Variants in RHOBTB3 observed in about 807,000 individuals in gnomAD.
RHOBTB3 encodes rho-related BTB domain-containing protein 3.
Under a neutral mutation model 67.2 loss-of-function variants are expected in RHOBTB3, and 47 were observed. The observed-to-expected ratio is 0.70, with a 90% CI of 0.55 to 0.89. The LOEUF is 0.89. RHOBTB3 is among the 40% of genes least tolerant of loss of function. RHOBTB3 has a pLI of 0.00. For missense variants in RHOBTB3, 631 were observed against 750.0 expected (o/e 0.84, Z 1.85); for synonymous variants, 273 against 274.2 (o/e 1.00, Z 0.04).
intron 6 of RHOBTB3, 25 bp from the exon 7 acceptor site, chr5:95,763,483 C>A: frequency 1.5e-6 from 2 of 1,339,498 alleles, no homozygotes; most frequent in South Asian, 1.2e-5. Flanking sequence ...ACAGAAAAAT[C>A]CAGCATGTAC....
chr5:95,770,523 T>G, intron 8 of RHOBTB3: 1 of 355,574 alleles, frequency 2.8e-6, no homozygotes, highest in Non-Finnish European at 5.7e-6. Flanking sequence ...TGAGCTATGG[T>G]TGGGGGTTTT....
intron 8 of RHOBTB3, among the ~76,000 whole-genome samples, chr5:95,775,377 A>G (rs2112823254): frequency 6.7e-6 from 1 of 149,730 alleles, no homozygotes; most frequent in Non-Finnish European, 1.5e-5. Context: ...ATCCTAAACT[A>G]TTAAGAATGT....
At position 95,756,409 on chromosome 5, in the gene RHOBTB3, C is replaced by A. The variant is rs138115734; in HGVS notation, c.1048+648C>A. On this transcript the variant is annotated intron_variant, in intron 6 of 11. Transcript: ENST00000379982. ...CATTTTGTTTACCCATTCATTCATCCATGGACGCTTGGGTTGCTTCCACTG... is the reference window on the plus strand; with the variant it reads ...CATTTTGTTTACCCATTCATTCATCAATGGACGCTTGGGTTGCTTCCACTG... 5.9e-3 allele frequency among the ~76,000 whole-genome samples: 891 copies of A among 152,290 alleles called. 4 individuals carry two copies. The highest frequency in any genetic ancestry group is 0.017 in the South Asian group (80 of 4,818).
intron 11 of RHOBTB3, among the ~76,000 whole-genome samples, chr5:95,791,880 G>A (rs1024446422): frequency 3.3e-5 from 5 of 151,836 alleles, no homozygotes; most frequent in African/African-American, 1.2e-4. Flanking sequence ...ATCTTGAGTC[G>A]ACCTCCTATC....
chr5:95,790,801 G>T (rs1746359894), intron 11 of RHOBTB3, among the ~76,000 whole-genome samples: 1 of 152,218 alleles, frequency 6.6e-6, no homozygotes, highest in South Asian at 2.1e-4. Flanking sequence ...TTACTAACTG[G>T]CCATCTATGG....
intron 8 of RHOBTB3, chr5:95,770,204 G>T: frequency 3.5e-6 from 1 of 284,068 alleles, no homozygotes; most frequent in South Asian, 4.6e-5. Flanking sequence ...CTTTAAAATG[G>T]AGTAGCTGTG....
At chr5:95,740,906 CATT>C (rs1160653012) in intron 3 of RHOBTB3, among the ~76,000 whole-genome samples, 1 of 152,094 alleles carries the variant, frequency 6.6e-6, no homozygotes, top group African/African-American at 2.4e-5. Context: ...GAATTGTAAA[CATT>C]ATGAGATTTC....
rs1000524509 is a variant in RHOBTB3 at position 95,794,313 on chromosome 5, G to A, written c.*1139G>A. 1 of 170,654 alleles carries A rather than the reference G, an allele frequency of 5.9e-6. No individual in the cohort carries two copies. 10.6% of individuals were successfully genotyped at this position (170,654 alleles called of 1,614,324 possible). ...AGATGTTCACAGAGAAAGATGCTCT[G>A]TAGAGAATTTGCTACCGAAGTTGGC... On this transcript the variant is annotated 3_prime_UTR_variant, in exon 12 of 12. Coordinates refer to ENST00000379982, the MANE Select transcript of RHOBTB3 (RefSeq NM_014899.4).
rs1440723662 is a variant in RHOBTB3, at chr5:95,763,538, A to G, written c.1079A>G (p.Asp360Gly). ...GAFQWEELEE[D>G]IRKKLKDSGD... ...TTTCAGTGGGAAGAATTGGAAGAAG[A>G]TATCAGGAAGAAGTTGAAAGATTCT... is the stretch of plus-strand genomic sequence containing the variant. Residue 360 changes from aspartate (D) to glycine (G), a missense_variant, in exon 7 of 12, where the codon GAT becomes GGT. Transcript: ENST00000379982. The G allele has an allele frequency of 3.1e-6, 5 of 1,612,384 alleles. No individual in the cohort carries two copies. Among genetic ancestry groups the G allele is most frequent in the African/African-American group, 1.3e-5 (1 of 75,018 alleles).
At chr5:95,755,789 T>C in intron 6 of RHOBTB3, 28 bp downstream of exon 6, 1 of 1,608,608 alleles carries the variant, frequency 6.2e-7, no homozygotes, top group Non-Finnish European at 8.5e-7. Context: ...TCTGGTTACT[T>C]ACAATCTCAT....
rs1039531675 is a variant in RHOBTB3, at chr5:95,795,861, G to A, written c.*2687G>A. 1 of 152,070 alleles carries A rather than the reference G, an allele frequency of 6.6e-6. No individual in the cohort carries two copies. Among genetic ancestry groups the A allele is most frequent in the South Asian group, 2.1e-4 (1 of 4,824 alleles). The allele number at this position is 152,070 out of a possible 1,614,324, so 9.4% of individuals were successfully genotyped here. On this transcript the variant is annotated 3_prime_UTR_variant, in exon 12 of 12. Transcript: ENST00000379982. ...TTCTAGATGGGTAGTGCTTTGTGCT[G>A]GTTTCTGCTTCCATATATTTCCCAG...
At chr5:95,789,036 A>G (rs1052092361) in intron 11 of RHOBTB3, 178 bp downstream of exon 11, 29 of 517,100 alleles carry the variant, frequency 5.6e-5, no homozygotes, top group Non-Finnish European at 8.3e-5. Flanking sequence ...GTGTTACATA[A>G]GTGCCTTAAC....
chr5:95,731,751 G>T (rs994933477), intron 1 of RHOBTB3, 67 bp downstream of exon 1: 2 of 1,609,106 alleles, frequency 1.2e-6, no homozygotes, highest in African/African-American at 1.3e-5. Context: ...AGGGACAGGG[G>T]CTGGTGCCCA....
At chr5:95,748,559 G>A in intron 4 of RHOBTB3, 72 bp downstream of exon 4, 1 of 1,150,490 alleles carries the variant, frequency 8.7e-7, no homozygotes, top group East Asian at 2.6e-5. Context: ...TAGAACATCA[G>A]TTAGAACTTC....
chr5:95,769,405 C>G (rs1299556549), intron 8 of RHOBTB3: 1 of 315,058 alleles, frequency 3.2e-6, no homozygotes, highest in Admixed American at 3.4e-5. Context: ...ACCAGAGGTG[C>G]TAATCCAGTG....
intron 1 of RHOBTB3, among the ~76,000 whole-genome samples, chr5:95,725,613 G>A (rs1455451464): frequency 3.9e-5 from 6 of 152,264 alleles, no homozygotes; most frequent in East Asian, 1.9e-4. Context: ...CTTTTTTTGT[G>A]TGTTGTATTG....
intron 3 of RHOBTB3, 41 bp downstream of exon 3, chr5:95,737,116 A>T: frequency 7.9e-7 from 1 of 1,271,958 alleles, no homozygotes; most frequent in Non-Finnish European, 1.1e-6. Context: ...GCATGCAAAT[A>T]TTATATATAC....
intron 4 of RHOBTB3, among the ~76,000 whole-genome samples, chr5:95,752,011 T>C (rs1745104678): frequency 6.6e-6 from 1 of 152,258 alleles, no homozygotes; most frequent in South Asian, 2.1e-4. Flanking sequence ...GAATGATTAA[T>C]AACAATTCCT....
chr5:95,760,095 A>G (rs1745355332), intron 6 of RHOBTB3, among the ~76,000 whole-genome samples: 1 of 152,204 alleles, frequency 6.6e-6, no homozygotes, highest in Admixed American at 6.5e-5. Flanking sequence ...CTGTTTAACA[A>G]CAGTCCGGTT....
Sources: gnomAD v4.1 joint callset for allele counts (sites outside exome capture counted in the v4.1 genomes callset) on GRCh38, gnomAD v4.1.1 for gene constraint, MANE v1.5 for transcripts, NCBI Gene and HGNC (gene_info 2026-07-23, HGNC 2026-07-21) for gene names.